The following KCNIP1 variants were observed in gnomAD, a reference collection of about 807,000 sequenced individuals.
The protein encoded by KCNIP1 is A-type potassium channel modulatory protein KCNIP1.
Under a neutral mutation model 33.0 loss-of-function variants are expected in KCNIP1, and 18 were observed. The ratio of observed to expected loss-of-function variants is 0.55; its 90% CI spans 0.38 to 0.81. KCNIP1 has a LOEUF of 0.81. Ranked by LOEUF, KCNIP1 falls within the 30% of genes least tolerant of loss-of-function variation. KCNIP1 has a pLI of 0.00. For missense variants in KCNIP1, 238 were observed against 271.6 expected (o/e 0.88, Z 0.87); for synonymous variants, 93 against 98.3 (o/e 0.95, Z 0.32).
intron 1 of KCNIP1, among the ~76,000 whole-genome samples, chr5:170,392,074 T>A (rs368761903): frequency 6.6e-6 from 1 of 151,554 alleles, no homozygotes; most frequent in Admixed American, 6.6e-5. Flanking sequence ...GGGGCTCGAG[T>A]TCCCCCCACA....
intron 1 of KCNIP1, among the ~76,000 whole-genome samples, chr5:170,605,219 C>A (rs1377061558): frequency 1.3e-5 from 2 of 152,172 alleles, no homozygotes; most frequent in Admixed American, 1.3e-4. Context: ...GCCCCGACCT[C>A]CCATGGGTGC....
chr5:170,502,968 GA>G (rs1484019658), upstream of KCNIP1, among the ~76,000 whole-genome samples: 1 of 152,180 alleles, frequency 6.6e-6, no homozygotes, highest in Non-Finnish European at 1.5e-5. Context: ...TCACAGAAGG[GA>G]AATGGCTTCC....
At chr5:170,363,852 A>G (rs1461334487) in intron 1 of KCNIP1, among the ~76,000 whole-genome samples, 1 of 152,024 alleles carries the variant, frequency 6.6e-6, no homozygotes, top group Non-Finnish European at 1.5e-5. Context: ...CACTGCACCC[A>G]CTAAACCCTT....
chr5:170,480,957 T>C (rs751364277), intron 1 of KCNIP1, among the ~76,000 whole-genome samples: 10 of 152,170 alleles, frequency 6.6e-5, no homozygotes, highest in Admixed American at 3.3e-4. Flanking sequence ...CCAACATATA[T>C]TTAATAGAAG....
intron 1 of KCNIP1, among the ~76,000 whole-genome samples, chr5:170,471,463 G>C (rs1317004982): frequency 3.3e-5 from 5 of 152,162 alleles, no homozygotes; most frequent in African/African-American, 1.2e-4. Context: ...CCCTTCAAGG[G>C]CGAGGGTAGT....
chr5:170,712,899 T>A, intron 1 of KCNIP1: 1 of 1,611,502 alleles, frequency 6.2e-7, no homozygotes, highest in Non-Finnish European at 8.5e-7. Flanking sequence ...AAAAAACAGT[T>A]TAAACTAACC....
At chr5:170,597,808 T>TG (rs1177753101) in intron 1 of KCNIP1, among the ~76,000 whole-genome samples, 704 of 5,356 alleles carry the variant, frequency 0.13, 27 homozygotes, top group African/African-American at 0.19. Flanking sequence ...TATATATATA[T>TG]ATATATATAT....
chr5:170,479,714 AT>A (rs1275705190), intron 1 of KCNIP1, among the ~76,000 whole-genome samples: 2 of 152,222 alleles, frequency 1.3e-5, no homozygotes, highest in African/African-American at 4.8e-5. Flanking sequence ...CTTGGCTGTG[AT>A]GCATTGGTAG....
chr5:170,524,772 C>T (rs920686677), intron 1 of KCNIP1, among the ~76,000 whole-genome samples: 1 of 152,086 alleles, frequency 6.6e-6, no homozygotes, highest in Non-Finnish European at 1.5e-5. Flanking sequence ...AGGGACCTTA[C>T]CCATGGCCAC....
At chr5:170,407,012 A>G (rs180920753) in intron 1 of KCNIP1, among the ~76,000 whole-genome samples, 39 of 152,342 alleles carry the variant, frequency 2.6e-4, no homozygotes, top group African/African-American at 9.1e-4. Flanking sequence ...CTTGCTCGCA[A>G]GATACTCAGC....
chr5:170,513,088 C>G lies in KCNIP1; in HGVS notation c.61+8455C>G, dbSNP rs571745797. On this transcript the variant is annotated intron_variant, in intron 1 of 7. Coordinates refer to ENST00000328939, the MANE Select transcript of KCNIP1 (RefSeq NM_014592.4). ...AAACCTCAACTCAGTGAGACCTACCCAGTCAGAACCTGCATTTTAACAAGA... is the reference window on the plus strand; with the variant it reads ...AAACCTCAACTCAGTGAGACCTACCGAGTCAGAACCTGCATTTTAACAAGA... Among the ~76,000 whole-genome samples, 200 of 152,104 alleles carry G rather than the reference C, an allele frequency of 1.3e-3. 1 individual carries two copies. Among genetic ancestry groups the G allele is most frequent in the African/African-American group, 4.6e-3 (189 of 41,498 alleles).
intron 1 of KCNIP1, among the ~76,000 whole-genome samples, chr5:170,544,213 G>C (rs1389197634): frequency 1.3e-5 from 2 of 152,002 alleles, no homozygotes. Flanking sequence ...AGGAGTTCTA[G>C]ACCAGCCTAA....
intron 1 of KCNIP1, chr5:170,383,696 G>A (rs759272252): frequency 7.4e-6 from 12 of 1,613,972 alleles, no homozygotes; most frequent in East Asian, 6.7e-5. Context: ...TTCTGGTCCC[G>A]AGTGTCCTCC....
chr5:170,591,821 C>T (rs182964981), intron 1 of KCNIP1, among the ~76,000 whole-genome samples: 1 of 152,324 alleles, frequency 6.6e-6, no homozygotes, highest in East Asian at 1.9e-4. Flanking sequence ...GTATATACCA[C>T]ACTTTGTTTA....
At chr5:170,608,970 A>G (rs1759040580) in intron 1 of KCNIP1, among the ~76,000 whole-genome samples, 3 of 152,068 alleles carry the variant, frequency 2.0e-5, no homozygotes, top group South Asian at 2.1e-4. Context: ...GTCTACCTGG[A>G]TTTTGTGCCT....
At chr5:170,405,327 T>G (rs75508399) in intron 1 of KCNIP1, among the ~76,000 whole-genome samples, 6,384 of 152,212 alleles carry the variant, frequency 0.042, 179 homozygotes, top group East Asian at 0.086. Context: ...CCCAAGTAGC[T>G]GGGACTGCAG....
chr5:170,504,664 T>A lies in KCNIP1; in HGVS notation c.61+31T>A, dbSNP rs760010651. On this transcript the variant is annotated intron_variant, in intron 1 of 7. Coordinates refer to ENST00000328939, the MANE Select transcript of KCNIP1 (RefSeq NM_014592.4). The surrounding 1 kb of genome is among the most constrained non-coding windows in gnomAD (Gnocchi z 6.0). The stretch of plus-strand genomic sequence containing the variant: ...CCACCTTCTTCCTTTTGTTCCCCTG[T>A]CTGGGCTTGGGGGTGCTAGGCGCCG... 6.3e-7 allele frequency: 1 copy of A among 1,591,970 alleles called. No individual in the cohort carries two copies. The highest frequency in any genetic ancestry group is 1.1e-5 in the South Asian group (1 of 90,644).
chr5:170,405,953 A>C (rs989813000), intron 1 of KCNIP1, among the ~76,000 whole-genome samples: 1 of 152,114 alleles, frequency 6.6e-6, no homozygotes, highest in African/African-American at 2.4e-5. Context: ...ATCCAGATAG[A>C]GACTAGGGGC....
intron 1 of KCNIP1, among the ~76,000 whole-genome samples, chr5:170,366,451 T>G (rs1763663083): frequency 6.6e-6 from 1 of 152,218 alleles, no homozygotes; most frequent in Admixed American, 6.5e-5. Flanking sequence ...GCACTACCTT[T>G]GAGCATCTGC....
Sources: gnomAD v4.1 joint callset for allele counts (sites outside exome capture counted in the v4.1 genomes callset) on GRCh38, gnomAD v4.1.1 for gene constraint, Gnocchi (gnomAD v3.1) non-coding constraint, MANE v1.5 for transcripts, NCBI Gene and HGNC (gene_info 2026-07-23, HGNC 2026-07-21) for gene names.